Variants in BBS9 observed in about 807,000 individuals in gnomAD.
The protein encoded by BBS9 is protein PTHB1.
BBS9 carries 89 observed loss-of-function variants against 117.7 expected under a neutral mutation model. The ratio of observed to expected loss-of-function variants is 0.76; its 90% CI spans 0.64 to 0.90. The LOEUF is 0.90. Ranked by LOEUF, BBS9 falls within the 40% of genes least tolerant of loss-of-function variation. The probability of loss-of-function intolerance (pLI) is 0.00; values close to 1 mark genes in which losing one functional copy is unlikely to be tolerated. For missense variants in BBS9, 982 were observed against 1,042.2 expected (o/e 0.94, Z 0.80); for synonymous variants, 379 against 370.9 (o/e 1.02, Z -0.25).
chr7:33,482,193 T>A (rs951634033), intron 19 of BBS9, among the ~76,000 whole-genome samples: 5 of 152,118 alleles, frequency 3.3e-5, no homozygotes, highest in African/African-American at 1.2e-4. Flanking sequence ...TGTTCTCATT[T>A]TAGAGACTGA....
intron 5 of BBS9, among the ~76,000 whole-genome samples, chr7:33,212,517 A>G (rs570891862): frequency 6.6e-6 from 1 of 152,014 alleles, no homozygotes; most frequent in South Asian, 2.1e-4. Context: ...TCTGTTTTGA[A>G]TTCTCTGTCT....
intron 19 of BBS9, among the ~76,000 whole-genome samples, chr7:33,492,106 G>A (rs1385715872): frequency 2.0e-5 from 3 of 150,426 alleles, no homozygotes; most frequent in East Asian, 2.0e-4. Context: ...AGGAGACTGA[G>A]GCATGAGAAT....
intron 5 of BBS9, among the ~76,000 whole-genome samples, chr7:33,193,933 C>T (rs955054413): frequency 3.3e-5 from 5 of 152,140 alleles, no homozygotes; most frequent in African/African-American, 1.2e-4. Flanking sequence ...TTCGCCACCC[C>T]CTACTTTTCT....
chr7:33,135,569 T>C (rs1790326418), intron 1 of BBS9, among the ~76,000 whole-genome samples: 1 of 152,256 alleles, frequency 6.6e-6, no homozygotes, highest in Non-Finnish European at 1.5e-5. Context: ...CATACTGGCT[T>C]AATTATTGTT....
At chr7:33,377,070 CTTGCTTTTGTTGCAA>C (rs1218741413) in intron 17 of BBS9, among the ~76,000 whole-genome samples, 3 of 151,996 alleles carry the variant, frequency 2.0e-5, no homozygotes, top group Non-Finnish European at 4.4e-5. Flanking sequence ...ATTTGTCATA[CTTGCTTTTGTTGCAA>C]TTGCTTTTGG....
chr7:33,610,856 A>G (rs1220315095), downstream of BBS9, among the ~76,000 whole-genome samples: 1 of 152,134 alleles, frequency 6.6e-6, no homozygotes, highest in Non-Finnish European at 1.5e-5. Flanking sequence ...TTTATGGACT[A>G]GCAAAACAGC....
intron 9 of BBS9, among the ~76,000 whole-genome samples, chr7:33,330,872 A>T (rs546907765): frequency 1.3e-5 from 2 of 152,334 alleles, no homozygotes; most frequent in African/African-American, 4.8e-5. Flanking sequence ...AATGTTAATG[A>T]TGCTTTTAAG....
chr7:33,341,248 T>TA (rs1003776026), intron 11 of BBS9, among the ~76,000 whole-genome samples: 1 of 152,120 alleles, frequency 6.6e-6, no homozygotes, highest in Non-Finnish European at 1.5e-5. Context: ...TAATCCTACT[T>TA]AAAAAAATTT....
At chr7:33,199,912 T>C (rs987501) in intron 5 of BBS9, among the ~76,000 whole-genome samples, 24,281 of 151,940 alleles carry the variant, frequency 0.16, 2,223 homozygotes, top group South Asian at 0.27. Context: ...TTTAACCATG[T>C]GTAGTTAATT....
At chr7:33,535,789 A>T (rs1372374871) in intron 21 of BBS9, among the ~76,000 whole-genome samples, 1 of 152,070 alleles carries the variant, frequency 6.6e-6, no homozygotes, top group Non-Finnish European at 1.5e-5. Context: ...CAGATACATT[A>T]ATTTTACAAA....
At chr7:33,542,363 G>A (rs28642750) in intron 21 of BBS9, among the ~76,000 whole-genome samples, 70,700 of 152,004 alleles carry the variant, frequency 0.47, 17,072 homozygotes, top group South Asian at 0.57. Flanking sequence ...GATTACAGGC[G>A]TGAGCCACCG....
chr7:33,526,457 C>CT (rs1399282468), intron 20 of BBS9, among the ~76,000 whole-genome samples: 3 of 151,786 alleles, frequency 2.0e-5, no homozygotes, highest in African/African-American at 7.3e-5. Context: ...TCTTTTTATT[C>CT]TTTTTTCTCT....
intron 21 of BBS9, among the ~76,000 whole-genome samples, chr7:33,595,680 ACTGGG>A (rs1862633146): frequency 6.6e-6 from 1 of 152,196 alleles, no homozygotes; most frequent in Non-Finnish European, 1.5e-5. Context: ...AAATCTCATT[ACTGGG>A]TATATACCCA....
chr7:33,605,739 C>A lies in BBS9; in HGVS notation c.*513C>A, dbSNP rs1053736724. The A allele has an allele frequency of 6.2e-6, 1 of 161,130 alleles. No homozygotes were observed. The highest frequency in any genetic ancestry group is 1.4e-5 in the Non-Finnish European group (1 of 72,876). The allele number at this position is 161,130 out of a possible 1,614,324, so 10.0% of individuals were successfully genotyped here. A position where few individuals can be genotyped will look rare whatever the true frequency, so the allele number is the denominator to read the frequency against. Reference sequence around the variant, plus strand: ...AAGACTTTGCTACTCTCTGGTAAGACTTGAATGTGATTATTTTATAAATAA... The same window carrying A: ...AAGACTTTGCTACTCTCTGGTAAGAATTGAATGTGATTATTTTATAAATAA... On this transcript the variant is annotated 3_prime_UTR_variant, in exon 23 of 23. Coordinates refer to ENST00000242067, the MANE Select transcript of BBS9 (RefSeq NM_198428.3).
intron 21 of BBS9, among the ~76,000 whole-genome samples, chr7:33,573,154 G>A (rs1325902329): frequency 6.6e-6 from 1 of 151,248 alleles, no homozygotes. Flanking sequence ...TAATTTTCTG[G>A]TACAATAAGA....
At chr7:33,520,111 C>A (rs375194091) in intron 20 of BBS9, among the ~76,000 whole-genome samples, 2 of 151,146 alleles carry the variant, frequency 1.3e-5, no homozygotes, top group African/African-American at 4.9e-5. Context: ...GGGGTTTAAG[C>A]GATTCTCCTG....
At chr7:33,379,421 T>A (rs1271272540) in intron 17 of BBS9, among the ~76,000 whole-genome samples, 1 of 152,206 alleles carries the variant, frequency 6.6e-6, no homozygotes, top group African/African-American at 2.4e-5. Context: ...ATTTCATATA[T>A]AAAGAATTTT....
At chr7:33,148,121 A>G (rs1792702582) in intron 2 of BBS9, among the ~76,000 whole-genome samples, 1 of 152,192 alleles carries the variant, frequency 6.6e-6, no homozygotes, top group South Asian at 2.1e-4. Context: ...TGTTGATCTT[A>G]TAGAATGGAA....
chr7:33,375,166 G>GTTATGGAAA (rs1823617563), intron 17 of BBS9, among the ~76,000 whole-genome samples: 1 of 152,088 alleles, frequency 6.6e-6, no homozygotes, highest in Non-Finnish European at 1.5e-5. Flanking sequence ...GTAATAGAGT[G>GTTATGGAAA]TTATGGAAAT....
Sources: gnomAD v4.1 joint callset for allele counts (sites outside exome capture counted in the v4.1 genomes callset) on GRCh38, gnomAD v4.1.1 for gene constraint, MANE v1.5 for transcripts, NCBI Gene and HGNC (gene_info 2026-07-23, HGNC 2026-07-21) for gene names.